The following BICC1 variants were observed in gnomAD, a reference collection of about 807,000 sequenced individuals.
BICC1 encodes protein bicaudal C homolog 1.
A neutral mutation model predicts 111.0 loss-of-function variants in BICC1; 43 were observed. That is an observed-to-expected ratio of 0.39 (90% CI 0.30 to 0.50). The LOEUF (loss-of-function observed/expected upper bound fraction) is 0.50. Ranked by LOEUF, BICC1 falls within the 20% of genes least tolerant of loss-of-function variation. The pLI is 0.88. For synonymous variants in BICC1, 467 were observed against 434.4 expected (o/e 1.07, Z -0.93); for missense variants, 1,091 against 1,203.2 (o/e 0.91, Z 1.38).
chr10:58,813,946 A>G lies in BICC1; in HGVS notation c.2493A>G (p.Ala831=), dbSNP rs1843999328. 2.5e-6 allele frequency: 4 copies of G among 1,614,068 alleles called. No homozygotes were observed. Among genetic ancestry groups the G allele is most frequent in the Non-Finnish European group, 2.5e-6 (3 of 1,179,942 alleles). The change falls in exon 18 of 21, where the codon GCA becomes GCG. Residue 831 remains alanine, a synonymous_variant. Transcript: ENST00000373886. The stretch of plus-strand genomic sequence containing the variant: ...GACCTGGAAGTCATAGTGAATTTGC[A>G]GCTTCTATTGGCAGCCCTAAGCGTA... ...GIGPGSHSEF[A]ASIGSPKRKQ...
At chr10:58,807,237 C>T (rs1322814011) in intron 17 of BICC1, 79 bp downstream of exon 17, 1 of 1,352,986 alleles carries the variant, frequency 7.4e-7, no homozygotes, top group Non-Finnish European at 1.0e-6. Flanking sequence ...CACCCTCATT[C>T]TTTATGTACC....
intron 1 of BICC1, among the ~76,000 whole-genome samples, chr10:58,514,517 GAAC>G (rs1313577187): frequency 2.0e-5 from 3 of 152,180 alleles, no homozygotes; most frequent in Non-Finnish European, 4.4e-5. Context: ...TTTTAAGAGA[GAAC>G]AACATGTTTT....
At chr10:58,550,263 C>T (rs1843260969) in intron 1 of BICC1, among the ~76,000 whole-genome samples, 1 of 152,064 alleles carries the variant, frequency 6.6e-6, no homozygotes, top group South Asian at 2.1e-4. Context: ...CTCAAGCAGT[C>T]CTCCCACCTC....
At chr10:58,613,101 A>C (rs1845486493) in intron 1 of BICC1, among the ~76,000 whole-genome samples, 1 of 152,246 alleles carries the variant, frequency 6.6e-6, no homozygotes, top group Non-Finnish European at 1.5e-5. Context: ...TAAACATAAA[A>C]AATGAATCGT....
In BICC1 at chr10:58,537,653, A is replaced by G. The variant is rs544193947; in HGVS notation, c.190+24320A>G. On this transcript the variant is annotated intron_variant, in intron 1 of 20. Transcript: ENST00000373886. ...TAGCCAGAGCAATCAGGCAAGAGAA[A>G]TAAAGGGCATCCAAACTGGAAAAGA... Among the ~76,000 whole-genome samples, 23 of 151,920 alleles carry G rather than the reference A, an allele frequency of 1.5e-4. No individual in the cohort carries two copies. The South Asian group carries it at 3.1e-3, about 21-fold the overall frequency.
At chr10:58,778,095 C>G (rs1842795335) in intron 3 of BICC1, among the ~76,000 whole-genome samples, 2 of 151,954 alleles carry the variant, frequency 1.3e-5, no homozygotes, top group Admixed American at 6.6e-5. Flanking sequence ...TGCCTGTAGT[C>G]CCAGCTACTC....
intron 8 of BICC1, 70 bp downstream of exon 8, chr10:58,790,003 A>G (rs1843129537): frequency 6.5e-7 from 1 of 1,532,966 alleles, no homozygotes; most frequent in Non-Finnish European, 8.9e-7. Context: ...TTTTCCATCC[A>G]CTGTACTAAT....
At chr10:58,597,674 C>T (rs149626744) in intron 1 of BICC1, among the ~76,000 whole-genome samples, 286 of 151,994 alleles carry the variant, frequency 1.9e-3, no homozygotes, top group Middle Eastern at 3.4e-3. Context: ...CCAAAGCAGC[C>T]GATTATTGAC....
intron 20 of BICC1, 151 bp downstream of exon 20, chr10:58,820,619 A>G (rs1844225925): frequency 1.7e-6 from 1 of 592,504 alleles, no homozygotes; most frequent in Non-Finnish European, 3.1e-6. Context: ...ACAGTGTGAC[A>G]GATCCTGAGA....
chr10:58,568,910 G>A (rs1040848025), intron 1 of BICC1, among the ~76,000 whole-genome samples: 32 of 152,188 alleles, frequency 2.1e-4, no homozygotes, highest in African/African-American at 7.7e-4. Flanking sequence ...GCTTGCCATG[G>A]AGTGGGTTTG....
intron 1 of BICC1, among the ~76,000 whole-genome samples, chr10:58,567,137 T>C (rs536516970): frequency 1.5e-4 from 23 of 152,316 alleles, no homozygotes; most frequent in African/African-American, 5.5e-4. Context: ...ATGTCTCTTG[T>C]GCCTTAGGAA....
chr10:58,789,690 T>G lies in BICC1; in HGVS notation c.804T>G (p.Thr268=), dbSNP rs1285999277. Residue 268 remains threonine, a synonymous_variant, in exon 8 of 21, where the codon ACT becomes ACG. Transcript: ENST00000373886. ...QNNTSAVKEG[T]AMLLEHLAGS... ...CCACCCTTTTCTCTTAGGAAGGAAC[T>G]GCCATGCTGTTAGAACATCTTGCTG... 1 of 1,614,154 alleles carries G rather than the reference T, an allele frequency of 6.2e-7. No individual in the cohort carries two copies. The highest frequency in any genetic ancestry group is 1.3e-5 in the African/African-American group (1 of 75,070).
chr10:58,791,686 G>T (rs1843183005), intron 8 of BICC1, among the ~76,000 whole-genome samples: 1 of 152,088 alleles, frequency 6.6e-6, no homozygotes, highest in South Asian at 2.1e-4. Context: ...GTTGCGGTGA[G>T]CCGAGATCGC....
At chr10:58,689,884 CTT>C (rs1057086972) in intron 2 of BICC1, among the ~76,000 whole-genome samples, 2 of 152,168 alleles carry the variant, frequency 1.3e-5, no homozygotes, top group African/African-American at 4.8e-5. Flanking sequence ...GCATATGACA[CTT>C]TTCAGTTTTA....
intron 2 of BICC1, among the ~76,000 whole-genome samples, chr10:58,637,952 G>A (rs1031681687): frequency 1.3e-5 from 2 of 152,058 alleles, no homozygotes; most frequent in African/African-American, 4.8e-5. Context: ...GGAGGTATGC[G>A]AACAGGAAGA....
At chr10:58,713,892 G>A (rs552503459) in intron 3 of BICC1, among the ~76,000 whole-genome samples, 51 of 152,188 alleles carry the variant, frequency 3.4e-4, no homozygotes, top group African/African-American at 1.1e-3. Flanking sequence ...GATCCATTAA[G>A]GATTTTACTG....
chr10:58,758,601 A>T (rs1842213406), intron 3 of BICC1, among the ~76,000 whole-genome samples: 1 of 152,244 alleles, frequency 6.6e-6, no homozygotes. Context: ...GGGTCTAGAT[A>T]GTAATTCTAT....
intron 1 of BICC1, among the ~76,000 whole-genome samples, chr10:58,605,299 C>T (rs1845174402): frequency 6.6e-6 from 1 of 152,060 alleles, no homozygotes; most frequent in African/African-American, 2.4e-5. Context: ...ACTCTGTTCC[C>T]TAGATGTAGC....
At chr10:58,757,033 G>A (rs1164931964) in intron 3 of BICC1, among the ~76,000 whole-genome samples, 2 of 152,060 alleles carry the variant, frequency 1.3e-5, no homozygotes, top group Admixed American at 6.6e-5. Flanking sequence ...TAATTTCTTA[G>A]TTACTCTAAT....
Sources: allele counts gnomAD v4.1 joint callset (sites outside exome capture counted in the v4.1 genomes callset), GRCh38; gene constraint gnomAD v4.1.1; transcripts MANE v1.5; gene names NCBI Gene and HGNC (gene_info 2026-07-23, HGNC 2026-07-21).